The following TMTC1 variants were observed in gnomAD, a reference collection of about 807,000 sequenced individuals.
The protein encoded by TMTC1 is protein O-mannosyl-transferase TMTC1.
A neutral mutation model predicts 104.8 loss-of-function variants in TMTC1; 73 were observed. The observed-to-expected ratio is 0.70, with a 90% CI of 0.58 to 0.85. The LOEUF is 0.85. Ranked by LOEUF, TMTC1 falls within the 40% of genes least tolerant of loss-of-function variation. TMTC1 has a pLI of 0.00. For synonymous variants in TMTC1, 434 were observed against 428.7 expected, an observed-to-expected ratio of 1.01 and a Z score of -0.15; for missense variants, 1,035 against 1,096.1, an observed-to-expected ratio of 0.94 and a Z score of 0.79.
chr12:29,643,978 TATATAA>T (rs1192569059), intron 5 of TMTC1, among the ~76,000 whole-genome samples: 1 of 106,122 alleles, frequency 9.4e-6, no homozygotes, highest in Admixed American at 1.4e-4. Context: ...CATATAAATA[TATATAA>T]ATATATAATT....
At chr12:29,615,962 TC>T (rs934593164) in intron 6 of TMTC1, among the ~76,000 whole-genome samples, 2 of 152,134 alleles carry the variant, frequency 1.3e-5, no homozygotes, top group African/African-American at 4.8e-5. Context: ...AGTTGATACT[TC>T]CCAAAGCACG....
intron 4 of TMTC1, among the ~76,000 whole-genome samples, chr12:29,752,108 G>A (rs911617384): frequency 4.9e-5 from 7 of 142,460 alleles, no homozygotes; most frequent in African/African-American, 1.6e-4. Flanking sequence ...CTGTAACTCA[G>A]TCTTTGTTAG....
Position 29,616,655 on chromosome 12 carries a change from G to A in TMTC1, c.1129-12356C>T, listed in dbSNP as rs71453750. ...TTGCACTCCAGCCTGGGCAACAAGA[G>A]CAAAACTTGGTCTCAAAAAAAAAAA... On this transcript the variant is annotated intron_variant, in intron 6 of 17. Coordinates refer to ENST00000539277, the MANE Select transcript of TMTC1 (RefSeq NM_001193451.2). 5.6e-3 allele frequency among the ~76,000 whole-genome samples: 616 copies of A among 110,134 alleles called. 2 individuals are homozygous for A. The highest frequency in any genetic ancestry group is 7.0e-3 in the Non-Finnish European group (395 of 56,732). The allele number at this position is 110,134 out of a possible 152,430, so 72.3% of individuals were successfully genotyped here.
intron 15 of TMTC1, 80 bp from the exon 16 acceptor site, chr12:29,514,684 T>C (rs1943934606): frequency 3.4e-6 from 5 of 1,466,126 alleles, no homozygotes; most frequent in Non-Finnish European, 4.6e-6. Flanking sequence ...ATTTATACTT[T>C]TTGTTCCTAT....
At chr12:29,576,364 C>T (rs1592258908) in intron 8 of TMTC1, among the ~76,000 whole-genome samples, 1 of 152,018 alleles carries the variant, frequency 6.6e-6, no homozygotes, top group Non-Finnish European at 1.5e-5. Flanking sequence ...TTCACAATAG[C>T]CAAGATATGG....
At chr12:29,510,696 G>T (rs191354623) in intron 17 of TMTC1, among the ~76,000 whole-genome samples, 11 of 152,232 alleles carry the variant, frequency 7.2e-5, no homozygotes, top group Non-Finnish European at 1.6e-4. Context: ...AACCCGTTAG[G>T]ACTTTGTTCA....
At position 29,506,899 on chromosome 12, in the gene TMTC1, A is replaced by G. The variant is rs760549748; in HGVS notation, c.2596T>C (p.Leu866=). The G allele has an allele frequency of 1.2e-6, 2 of 1,614,118 alleles. No individual in the cohort carries two copies. Among genetic ancestry groups the G allele is most frequent in the Non-Finnish European group, 1.7e-6 (2 of 1,179,998 alleles). ...TGTAATCGTTTTTCTAGGCGATCCA[A>G]TTTGGCAAGATTTTCCTTCAGCAGT... ...SKLLKENLAK[L]DRLEKRLQEV... The change falls in exon 18 of 18, where the codon TTG becomes CTG. Residue 866 remains leucine (L), a synonymous_variant. Transcript: ENST00000539277.
At chr12:29,732,544 C>T (rs761586621) in intron 5 of TMTC1, among the ~76,000 whole-genome samples, 13 of 152,256 alleles carry the variant, frequency 8.5e-5, no homozygotes, top group East Asian at 1.9e-4. Context: ...AGACCTGGTC[C>T]CGCTATGTAC....
chr12:29,523,649 T>TAA (rs200034967), intron 11 of TMTC1, among the ~76,000 whole-genome samples: 2,309 of 152,302 alleles, frequency 0.015, 62 homozygotes, highest in African/African-American at 0.053. Context: ...AAGGCACTTA[T>TAA]TTGGTCTTAA....
chr12:29,677,719 T>A (rs1410840176), intron 5 of TMTC1, among the ~76,000 whole-genome samples: 1 of 152,238 alleles, frequency 6.6e-6, no homozygotes, highest in African/African-American at 2.4e-5. Context: ...GTCCGGCATA[T>A]CCACTCTGTT....
chr12:29,777,460 C>A, intron 1 of TMTC1, among the ~76,000 whole-genome samples: 1 of 152,020 alleles, frequency 6.6e-6, no homozygotes, highest in Non-Finnish European at 1.5e-5. Flanking sequence ...AATGTAGCTC[C>A]AAAGAAAGAC....
At chr12:29,711,385 C>T (rs1401400884) in intron 5 of TMTC1, among the ~76,000 whole-genome samples, 5 of 152,176 alleles carry the variant, frequency 3.3e-5, no homozygotes, top group Non-Finnish European at 7.3e-5. Flanking sequence ...AAAACAGTCT[C>T]TATGAGTTCA....
At chr12:29,631,141 T>C (rs1277582568) in intron 6 of TMTC1, among the ~76,000 whole-genome samples, 1 of 152,232 alleles carries the variant, frequency 6.6e-6, no homozygotes, top group Admixed American at 6.5e-5. Flanking sequence ...GCACTTTTAA[T>C]ATTCAGATAC....
At chr12:29,690,416 CTTA>C (rs1356948892) in intron 5 of TMTC1, among the ~76,000 whole-genome samples, 1 of 152,164 alleles carries the variant, frequency 6.6e-6, no homozygotes, top group Non-Finnish European at 1.5e-5. Context: ...GCTTTAGCAC[CTTA>C]TATATGAAGT....
chr12:29,726,017 C>T (rs901987763), intron 5 of TMTC1, among the ~76,000 whole-genome samples: 8 of 152,230 alleles, frequency 5.3e-5, no homozygotes, highest in Non-Finnish European at 8.8e-5. Context: ...ATATACAGAG[C>T]CACCTAAGCC....
At chr12:29,529,474 C>T (rs1030538689) in intron 11 of TMTC1, among the ~76,000 whole-genome samples, 4 of 152,130 alleles carry the variant, frequency 2.6e-5, no homozygotes, top group African/African-American at 9.7e-5. Context: ...TTCCTATTAG[C>T]CAAATGGCTT....
chr12:29,722,042 A>G (rs965271891), intron 5 of TMTC1, among the ~76,000 whole-genome samples: 1 of 152,212 alleles, frequency 6.6e-6, no homozygotes. Flanking sequence ...TTGTTTCAAT[A>G]TCACGTCATG....
intron 5 of TMTC1, among the ~76,000 whole-genome samples, chr12:29,694,613 T>C (rs1263721809): frequency 6.6e-6 from 1 of 152,170 alleles, no homozygotes; most frequent in Non-Finnish European, 1.5e-5. Context: ...TTGTGGCTGC[T>C]GTAACAAATG....
At chr12:29,709,316 T>G (rs1275970721) in intron 5 of TMTC1, among the ~76,000 whole-genome samples, 1 of 152,160 alleles carries the variant, frequency 6.6e-6, no homozygotes. Context: ...GCCAGTCTTC[T>G]GCAAAATGGA....
Sources: gnomAD v4.1 joint callset for allele counts (sites outside exome capture counted in the v4.1 genomes callset) on GRCh38, gnomAD v4.1.1 for gene constraint, MANE v1.5 for transcripts, NCBI Gene and HGNC (gene_info 2026-07-23, HGNC 2026-07-21) for gene names.